Variants in SMAP1 observed in about 807,000 individuals in gnomAD.
The protein encoded by SMAP1 is small ArfGAP 1.
SMAP1 carries 24 observed loss-of-function variants against 58.5 expected under a neutral mutation model. The ratio of observed to expected loss-of-function variants is 0.41; its 90% CI spans 0.30 to 0.58. The LOEUF is 0.58. SMAP1 is among the 20% of genes least tolerant of loss of function. SMAP1 has a pLI of 0.29. For synonymous variants in SMAP1, 216 were observed against 196.6 expected (o/e 1.10, Z -0.82); for missense variants, 563 against 566.3 (o/e 0.99, Z 0.06).
intron 4 of SMAP1, among the ~76,000 whole-genome samples, chr6:70,790,306 A>G (rs1768290683): frequency 6.6e-6 from 1 of 151,920 alleles, no homozygotes; most frequent in Non-Finnish European, 1.5e-5. Context: ...ACACCTGGCT[A>G]AATTTTTATA....
intron 1 of SMAP1, among the ~76,000 whole-genome samples, chr6:70,728,454 T>G (rs950973442): frequency 1.3e-5 from 2 of 152,232 alleles, no homozygotes; most frequent in African/African-American, 4.8e-5. Flanking sequence ...TATTTCCATT[T>G]TTAAAAATAG....
rs1373322698 is a variant in SMAP1 at position 70,767,211 on chromosome 6, G to C, written c.339-6139G>C. Among the ~76,000 whole-genome samples, 4 of 151,952 alleles carry C rather than the reference G, an allele frequency of 2.6e-5. No individual in the cohort carries two copies. The East Asian group carries it at 7.7e-4, about 29-fold the overall frequency. Reference sequence around the variant, plus strand: ...CTCCAGCTTTGTTCTTTTGGCTTAGGATTGACTTGGCGATGCGGGCTCTTT... The same window carrying C: ...CTCCAGCTTTGTTCTTTTGGCTTAGCATTGACTTGGCGATGCGGGCTCTTT... On this transcript the variant is annotated intron_variant, in intron 3 of 10. Coordinates refer to ENST00000370455, the MANE Select transcript of SMAP1 (RefSeq NM_001044305.3).
chr6:70,676,539 T>C (rs1766489585), intron 1 of SMAP1, among the ~76,000 whole-genome samples: 1 of 152,152 alleles, frequency 6.6e-6, no homozygotes, highest in Non-Finnish European at 1.5e-5. Flanking sequence ...TTTGATGGTA[T>C]GATAGATAAA....
chr6:70,711,523 CTT>C (rs551263466), intron 1 of SMAP1, among the ~76,000 whole-genome samples: 5 of 141,282 alleles, frequency 3.5e-5, no homozygotes, highest in Non-Finnish European at 4.7e-5. Context: ...TTTATTAGCT[CTT>C]TTTTTTTTTT....
chr6:70,702,398 G>GT (rs1440874150), intron 1 of SMAP1, among the ~76,000 whole-genome samples: 174 of 150,582 alleles, frequency 1.2e-3, no homozygotes, highest in African/African-American at 4.0e-3. Context: ...TTGGGGAGGG[G>GT]GTCTGTTTAT....
intron 7 of SMAP1, among the ~76,000 whole-genome samples, chr6:70,846,087 A>G (rs899182383): frequency 2.0e-5 from 3 of 152,226 alleles, no homozygotes; most frequent in Non-Finnish European, 2.9e-5. Flanking sequence ...GCGATTTTAC[A>G]GGAGAAGGAT....
At chr6:70,789,625 G>A (rs1582192924) in intron 4 of SMAP1, among the ~76,000 whole-genome samples, 1 of 124,682 alleles carries the variant, frequency 8.0e-6, no homozygotes, top group Non-Finnish European at 1.6e-5. Context: ...AATGTGATGT[G>A]CATCTGTTAT....
Position 70,798,680 on chromosome 6 carries a change from A to G in SMAP1, c.519A>G (p.Glu173=), listed in dbSNP as rs750830488. ...AGAAAGAAAAGGAAAAAAAAAAGGA[A>G]GAGAAAAAGAGAGAAAAGGAGCCAG... ...KLEKEKEKKK[E]EKKREKEPEK... The change falls in exon 6 of 11, where the codon GAA becomes GAG. Residue 173 remains glutamate, a synonymous_variant. Coordinates refer to ENST00000370455, the MANE Select transcript of SMAP1 (RefSeq NM_001044305.3). 2.6e-6 allele frequency: 4 copies of G among 1,543,538 alleles called. No individual in the cohort carries two copies. The highest frequency in any genetic ancestry group is 2.8e-5 in the African/African-American group (2 of 71,700).
At chr6:70,813,610 T>C (rs1186354129) in intron 6 of SMAP1, among the ~76,000 whole-genome samples, 1 of 151,944 alleles carries the variant, frequency 6.6e-6, no homozygotes, top group African/African-American at 2.4e-5. Flanking sequence ...CTCTCACCCA[T>C]CCCCACCACA....
intron 1 of SMAP1, among the ~76,000 whole-genome samples, chr6:70,688,158 G>T (rs892940189): frequency 2.0e-5 from 3 of 152,122 alleles, no homozygotes; most frequent in African/African-American, 7.2e-5. Context: ...TTATTAAATA[G>T]AATTTTGTGA....
At chr6:70,729,491 G>GTGTGTGTA (rs1287566747) in intron 1 of SMAP1, among the ~76,000 whole-genome samples, 2 of 150,560 alleles carry the variant, frequency 1.3e-5, no homozygotes, top group South Asian at 2.1e-4. Flanking sequence ...GTGTGTGTGT[G>GTGTGTGTA]TGTATGTGTG....
chr6:70,670,440 A>G (rs74725825), intron 1 of SMAP1, among the ~76,000 whole-genome samples: 2,756 of 152,314 alleles, frequency 0.018, 92 homozygotes, highest in African/African-American at 0.063. Flanking sequence ...CAATTGATGT[A>G]AATATATTTT....
intron 7 of SMAP1, among the ~76,000 whole-genome samples, chr6:70,851,973 T>A (rs1050876705): frequency 6.6e-6 from 1 of 152,156 alleles, no homozygotes; most frequent in Non-Finnish European, 1.5e-5. Context: ...TTCCATGTTG[T>A]GACTTCAAAA....
chr6:70,835,387 C>CT lies in SMAP1; in HGVS notation c.577-1553dup, dbSNP rs537600147. Among the ~76,000 whole-genome samples, 231 of 152,080 alleles carry CT rather than the reference C, an allele frequency of 1.5e-3. 1 individual carries two copies. The highest frequency in any genetic ancestry group is 1.6e-3 in the Non-Finnish European group (106 of 68,016). On this transcript the variant is annotated intron_variant, in intron 6 of 10. Coordinates refer to ENST00000370455, the MANE Select transcript of SMAP1 (RefSeq NM_001044305.3). ...TGTGTTCTTAGAAGTTAACGTATCTCTAATAGCTAACAAAAAATGAACTCA... is the reference window on the plus strand; with the variant it reads ...TGTGTTCTTAGAAGTTAACGTATCTCTTAATAGCTAACAAAAAATGAACTCA...
At chr6:70,824,355 A>G (rs1012880047) in intron 6 of SMAP1, among the ~76,000 whole-genome samples, 1 of 152,090 alleles carries the variant, frequency 6.6e-6, no homozygotes, top group Non-Finnish European at 1.5e-5. Flanking sequence ...TTAGGCTCAC[A>G]GGGCTAGCTA....
intron 1 of SMAP1, among the ~76,000 whole-genome samples, chr6:70,685,916 A>AT (rs916533928): frequency 8.6e-5 from 13 of 151,820 alleles, no homozygotes; most frequent in African/African-American, 2.9e-4. Context: ...ATTTTATTTT[A>AT]TTTTTTTAAC....
rs1346614990 is a variant in SMAP1 at position 70,861,436 on chromosome 6, A to AAAAC, written c.*1104_*1107dup. ...ATCTTCCAATTTAGTTGTTGTAGAGAAAACATGCAGAACAAATGAAGACAA... is the reference window on the plus strand; with the variant it reads ...ATCTTCCAATTTAGTTGTTGTAGAGAAAACAAACATGCAGAACAAATGAAGACAA... On this transcript the variant is annotated 3_prime_UTR_variant, in exon 11 of 11. Transcript: ENST00000370455. The AAAAC allele has an allele frequency of 3.8e-6, 2 of 525,436 alleles. No homozygotes were observed. The highest frequency in any genetic ancestry group is 3.8e-5 in the African/African-American group (2 of 52,820). The allele number at this position is 525,436 out of a possible 1,614,324, so 32.5% of individuals were successfully genotyped here. A position where few individuals can be genotyped will look rare whatever the true frequency, so the allele number is the denominator to read the frequency against.
At chr6:70,801,965 T>A (rs1203841023) in intron 6 of SMAP1, among the ~76,000 whole-genome samples, 1 of 152,246 alleles carries the variant, frequency 6.6e-6, no homozygotes, top group Non-Finnish European at 1.5e-5. Context: ...TCCAGCTTTG[T>A]TCTTTTTGCT....
At chr6:70,784,108 C>G in intron 4 of SMAP1, among the ~76,000 whole-genome samples, 1 of 152,170 alleles carries the variant, frequency 6.6e-6, no homozygotes, top group African/African-American at 2.4e-5. Context: ...GACCTCTCGG[C>G]AGAAACTCTA....
Sources: allele counts gnomAD v4.1 joint callset (sites outside exome capture counted in the v4.1 genomes callset), GRCh38; gene constraint gnomAD v4.1.1; transcripts MANE v1.5; gene names NCBI Gene and HGNC (gene_info 2026-07-23, HGNC 2026-07-21).